Variants in TDG observed in about 807,000 individuals in gnomAD.
TDG encodes the protein thymine DNA glycosylase.
In TDG, 23 loss-of-function variants were observed where a neutral mutation model predicts 46.1. That is an observed-to-expected ratio of 0.50 (90% CI 0.36 to 0.71). TDG has a LOEUF of 0.71. Among genes scored for constraint, TDG ranks in the 30% least tolerant of loss-of-function variants. The pLI is 0.00. For synonymous variants in TDG, 115 were observed against 161.3 expected (o/e 0.71, Z 2.18); for missense variants, 304 against 486.7 (o/e 0.62, Z 3.53).
chr12:103,985,244 A>G (rs1872082096), intron 8 of TDG, among the ~76,000 whole-genome samples: 1 of 151,880 alleles, frequency 6.6e-6, no homozygotes, highest in African/African-American at 2.4e-5. Flanking sequence ...AAAAGCAGGA[A>G]AAAAGAAAAC....
intron 8 of TDG, 126 bp from the exon 9 acceptor site, chr12:103,985,474 AGAT>A: frequency 9.2e-7 from 1 of 1,086,948 alleles, no homozygotes; most frequent in Non-Finnish European, 1.2e-6. Flanking sequence ...TAAGTTTAAA[AGAT>A]TAATAGAGAT....
chr12:103,977,792 A>C (rs551540799), intron 2 of TDG, among the ~76,000 whole-genome samples: 2 of 152,310 alleles, frequency 1.3e-5, no homozygotes, highest in East Asian at 3.9e-4. Context: ...GGCCGGGCAC[A>C]GTGGCTCATA....
intron 2 of TDG, among the ~76,000 whole-genome samples, chr12:103,977,951 G>T (rs1021778880): frequency 6.6e-6 from 1 of 152,168 alleles, no homozygotes; most frequent in Admixed American, 6.5e-5. Flanking sequence ...CTACTGGGGA[G>T]GCTGAGGCAC....
Position 103,976,924 on chromosome 12 carries a change from C to A in TDG, c.30C>A (p.Ser10=). 1 of 1,613,382 alleles carries A rather than the reference C, an allele frequency of 6.2e-7. No individual in the cohort carries two copies. The change falls in exon 2 of 10, where the codon TCC becomes TCA. Residue 10 remains serine (S), a synonymous_variant. Coordinates refer to ENST00000392872, the MANE Select transcript of TDG (RefSeq NM_003211.6). ...TGCTTCATTATTCTTTCAGCTATTCCCTTCAGCAAGCTCAAGCTTTTTATA... is the reference window on the plus strand; with the variant it reads ...TGCTTCATTATTCTTTCAGCTATTCACTTCAGCAAGCTCAAGCTTTTTATA... MEAENAGSY[S]LQQAQAFYTF... is the part of the protein sequence containing the mutation.
At chr12:103,969,662 A>C (rs1458783435) in intron 1 of TDG, among the ~76,000 whole-genome samples, 1 of 152,230 alleles carries the variant, frequency 6.6e-6, no homozygotes, top group Non-Finnish European at 1.5e-5. Flanking sequence ...ACTCAGCTGC[A>C]GAAAAATCAG....
chr12:103,982,395 G>T (rs920524418), intron 4 of TDG, among the ~76,000 whole-genome samples: 2 of 152,168 alleles, frequency 1.3e-5, no homozygotes, highest in African/African-American at 4.8e-5. Flanking sequence ...CCTAAACTGA[G>T]TTGCTATATA....
chr12:103,980,498 A>G (rs4135095), intron 3 of TDG: 20,593 of 224,076 alleles, frequency 0.092, 1,392 homozygotes, highest in East Asian at 0.31. Flanking sequence ...AAACATCAGC[A>G]TGTGAACAAT....
intron 1 of TDG, among the ~76,000 whole-genome samples, chr12:103,975,629 C>G (rs148701339): frequency 6.6e-6 from 1 of 152,096 alleles, no homozygotes; most frequent in Non-Finnish European, 1.5e-5. Context: ...TTAACCCACT[C>G]CTGAAGGCAG....
intron 1 of TDG, chr12:103,972,895 AT>A (rs1226918175): frequency 4.9e-6 from 3 of 614,398 alleles, no homozygotes; most frequent in East Asian, 2.9e-5. Context: ...GTTTTGAAAA[AT>A]TTTTTTAAAG....
intron 2 of TDG, 122 bp downstream of exon 2, chr12:103,977,182 A>G: frequency 7.4e-7 from 1 of 1,343,628 alleles, no homozygotes; most frequent in South Asian, 1.5e-5. Flanking sequence ...CTTTTTAAGT[A>G]CTTAGTATGT....
chr12:103,984,994 C>T (rs201604761), intron 8 of TDG, 74 bp downstream of exon 8: 114 of 1,186,408 alleles, frequency 9.6e-5, no homozygotes, highest in East Asian at 1.9e-4. Flanking sequence ...CATATATATA[C>T]ACATATACAT....
intron 1 of TDG, among the ~76,000 whole-genome samples, chr12:103,974,782 A>G (rs1160591828): frequency 6.6e-6 from 1 of 151,944 alleles, no homozygotes; most frequent in Non-Finnish European, 1.5e-5. Flanking sequence ...CATCCTGGCT[A>G]ACACGGTGAA....
chr12:103,974,435 C>A (rs1378354283), intron 1 of TDG, among the ~76,000 whole-genome samples: 1 of 152,088 alleles, frequency 6.6e-6, no homozygotes, highest in Non-Finnish European at 1.5e-5. Flanking sequence ...TACCACCATG[C>A]CCAGCTAATG....
intron 1 of TDG, among the ~76,000 whole-genome samples, chr12:103,974,338 G>A (rs1871419612): frequency 6.6e-6 from 1 of 152,100 alleles, no homozygotes; most frequent in Non-Finnish European, 1.5e-5. Context: ...GTGCAGCAGT[G>A]TGATCATCGC....
intron 1 of TDG, among the ~76,000 whole-genome samples, chr12:103,972,332 C>G (rs1333341880): frequency 6.6e-6 from 1 of 152,038 alleles, no homozygotes; most frequent in African/African-American, 2.4e-5. Flanking sequence ...TTGGCCAGGC[C>G]GGTCTCGAAC....
At chr12:103,981,076 C>T (rs1430270651) in intron 4 of TDG, 114 bp downstream of exon 4, 27 of 855,206 alleles carry the variant, frequency 3.2e-5, no homozygotes, top group Non-Finnish European at 4.2e-5. Context: ...AATACACATT[C>T]GTGTTTCATG....
At chr12:103,984,015 C>T (rs969816256) in intron 7 of TDG, among the ~76,000 whole-genome samples, 6 of 152,190 alleles carry the variant, frequency 3.9e-5, no homozygotes, top group Non-Finnish European at 5.9e-5. Context: ...CACAGATTTA[C>T]ATGTTGTATA....
chr12:103,969,339 C>A (rs1871192322), intron 1 of TDG, among the ~76,000 whole-genome samples: 1 of 152,180 alleles, frequency 6.6e-6, no homozygotes, highest in Non-Finnish European at 1.5e-5. Context: ...TGCTTTACTG[C>A]CTCTCTTAGT....
In TDG at chr12:103,988,335, T is replaced by C. The variant is rs1872295072; in HGVS notation, c.*1245T>C. On this transcript the variant is annotated 3_prime_UTR_variant, in exon 10 of 10. Transcript: ENST00000392872. ...GGTCTCCCCCACCCCCAGGAGGTTA[T>C]ATGATTGCTCTTCTCTTTATAATAA... 2 of 152,818 alleles carry C rather than the reference T, an allele frequency of 1.3e-5. No homozygotes were observed. Among genetic ancestry groups the C allele is most frequent in the Admixed American group, 1.3e-4 (2 of 15,308 alleles). The allele number at this position is 152,818 out of a possible 1,614,324, so 9.5% of individuals were successfully genotyped here. A position where few individuals can be genotyped will look rare whatever the true frequency, so the allele number is the denominator to read the frequency against.
Sources: gnomAD v4.1 joint callset for allele counts (sites outside exome capture counted in the v4.1 genomes callset) on GRCh38, gnomAD v4.1.1 for gene constraint, MANE v1.5 for transcripts, NCBI Gene and HGNC (gene_info 2026-07-23, HGNC 2026-07-21) for gene names.